Variants in GPR158 observed in about 807,000 individuals in gnomAD.
GPR158 encodes the protein metabotropic glycine receptor.
Under a neutral mutation model 78.2 loss-of-function variants are expected in GPR158, and 30 were observed. The observed-to-expected ratio is 0.38, with a 90% CI of 0.29 to 0.52. GPR158 has a LOEUF of 0.52. Among genes scored for constraint, GPR158 ranks in the 20% least tolerant of loss-of-function variants. The pLI is 0.83. For missense variants in GPR158, 1,463 were observed against 1,523.5 expected (o/e 0.96, Z 0.66); for synonymous variants, 581 against 591.1 (o/e 0.98, Z 0.25).
intron 5 of GPR158, among the ~76,000 whole-genome samples, chr10:25,526,714 C>G (rs1291199511): frequency 6.6e-6 from 1 of 152,222 alleles, no homozygotes; most frequent in Non-Finnish European, 1.5e-5. Flanking sequence ...ATGTTTGCAG[C>G]CCACTGGATG....
intron 5 of GPR158, among the ~76,000 whole-genome samples, chr10:25,493,318 G>A (rs1444613044): frequency 2.6e-5 from 4 of 152,010 alleles, no homozygotes; most frequent in South Asian, 2.1e-4. Flanking sequence ...TCTCCCTTTC[G>A]CATAACCCAG....
chr10:25,541,868 G>C (rs893321389), intron 5 of GPR158, among the ~76,000 whole-genome samples: 6 of 149,676 alleles, frequency 4.0e-5, no homozygotes, highest in Non-Finnish European at 7.4e-5. Flanking sequence ...CAAACCTGGG[G>C]ATGAGCAACT....
chr10:25,579,447 A>G (rs1337354609), intron 7 of GPR158, among the ~76,000 whole-genome samples: 1 of 152,148 alleles, frequency 6.6e-6, no homozygotes, highest in Non-Finnish European at 1.5e-5. Context: ...AATTTAAAAT[A>G]CATTTATTTT....
At chr10:25,287,614 T>C (rs1854371191) in intron 2 of GPR158, among the ~76,000 whole-genome samples, 1 of 152,140 alleles carries the variant, frequency 6.6e-6, no homozygotes. Flanking sequence ...GTTTAACCTT[T>C]ACCAATTTAC....
intron 2 of GPR158, among the ~76,000 whole-genome samples, chr10:25,334,464 A>C (rs1026052495): frequency 6.6e-6 from 1 of 152,058 alleles, no homozygotes; most frequent in African/African-American, 2.4e-5. Flanking sequence ...TTCAATGCAT[A>C]TGACAACAGA....
At chr10:25,225,146 C>T (rs1220910968) in intron 2 of GPR158, among the ~76,000 whole-genome samples, 1 of 149,280 alleles carries the variant, frequency 6.7e-6, no homozygotes, top group African/African-American at 2.5e-5. Context: ...CAACCACTTG[C>T]CATCCCAGAA....
chr10:25,553,829 A>G (rs985958034), intron 6 of GPR158, among the ~76,000 whole-genome samples: 1 of 152,316 alleles, frequency 6.6e-6, no homozygotes, highest in Middle Eastern at 3.4e-3. Flanking sequence ...TTCTGCCATT[A>G]CTTATTTATA....
At chr10:25,348,396 G>GACAC (rs34088676) in intron 2 of GPR158, among the ~76,000 whole-genome samples, 10,550 of 141,626 alleles carry the variant, frequency 0.074, 426 homozygotes, top group African/African-American at 0.11. Flanking sequence ...TAGGAAGAAA[G>GACAC]ACACACACAC....
intron 2 of GPR158, among the ~76,000 whole-genome samples, chr10:25,277,805 G>A (rs1854206033): frequency 2.0e-5 from 3 of 152,132 alleles, no homozygotes; most frequent in South Asian, 4.2e-4. Flanking sequence ...AAACCTCTCC[G>A]ACACCTTGGT....
chr10:25,223,356 C>G (rs547914967), intron 2 of GPR158, among the ~76,000 whole-genome samples: 2 of 152,110 alleles, frequency 1.3e-5, no homozygotes, highest in African/African-American at 2.4e-5. Flanking sequence ...ATCTTTGTGT[C>G]GTGGGCTATG....
intron 4 of GPR158, among the ~76,000 whole-genome samples, chr10:25,461,750 T>TG (rs397766645): frequency 6.6e-6 from 1 of 150,936 alleles, no homozygotes; most frequent in Non-Finnish European, 1.5e-5. Flanking sequence ...TTTTTTTTTT[T>TG]GAGATGGAGT....
At chr10:25,558,671 G>A (rs1836819978) in intron 6 of GPR158, among the ~76,000 whole-genome samples, 1 of 152,208 alleles carries the variant, frequency 6.6e-6, no homozygotes, top group Non-Finnish European at 1.5e-5. Context: ...ATTTGTACAT[G>A]CTCAGTCCAA....
chr10:25,401,895 A>C (rs1834451555), intron 3 of GPR158, among the ~76,000 whole-genome samples: 1 of 152,180 alleles, frequency 6.6e-6, no homozygotes, highest in East Asian at 1.9e-4. Flanking sequence ...TAATGTTTTA[A>C]AAATAAAATA....
intron 2 of GPR158, among the ~76,000 whole-genome samples, chr10:25,269,702 G>A (rs760305445): frequency 1.3e-5 from 2 of 152,164 alleles, no homozygotes; most frequent in Non-Finnish European, 2.9e-5. Flanking sequence ...CTGCAACCAT[G>A]TAATGAAATT....
chr10:25,434,180 C>A (rs904905582), intron 4 of GPR158, among the ~76,000 whole-genome samples: 21 of 151,704 alleles, frequency 1.4e-4, no homozygotes, highest in African/African-American at 5.1e-4. Context: ...AACAAACAAA[C>A]AAAAAGAAAT....
chr10:25,221,117 G>T lies in GPR158; in HGVS notation c.968G>T (p.Trp323Leu), dbSNP rs1467367881. Reference sequence around the variant, plus strand: ...ATTGACCAATGCTCAAGTGATGGCTGGTTTTCAGGAACTCATAAATGCCAC... The same window carrying T: ...ATTGACCAATGCTCAAGTGATGGCTTGTTTTCAGGAACTCATAAATGCCAC... ...VDIDQCSSDG[W>L]FSGTHKCHLN... The change falls in exon 2 of 11, where the codon TGG (tryptophan) becomes TTG (leucine). Residue 323 changes from tryptophan to leucine, a missense_variant. Trp to Leu is a moderately conservative substitution (Grantham distance 61, BLOSUM62 -2). Transcript: ENST00000376351. 6.2e-7 allele frequency: 1 copy of T among 1,602,162 alleles called. No homozygotes were observed. Among genetic ancestry groups the T allele is most frequent in the East Asian group, 2.2e-5 (1 of 44,758 alleles).
chr10:25,523,171 T>A (rs1480309192), intron 5 of GPR158, among the ~76,000 whole-genome samples: 1 of 152,156 alleles, frequency 6.6e-6, no homozygotes. Context: ...AAGGGTCAGA[T>A]GGGTCAACAC....
intron 5 of GPR158, among the ~76,000 whole-genome samples, chr10:25,509,079 G>T (rs1405285624): frequency 1.3e-5 from 2 of 152,156 alleles, no homozygotes; most frequent in Non-Finnish European, 2.9e-5. Flanking sequence ...TGGTGGAGGG[G>T]GTAGGCTGTC....
chr10:25,383,337 C>T (rs1256401769), intron 2 of GPR158, among the ~76,000 whole-genome samples: 1 of 152,106 alleles, frequency 6.6e-6, no homozygotes, highest in Non-Finnish European at 1.5e-5. Context: ...ATCAATACAG[C>T]AGGAAACTTG....
Sources: gnomAD v4.1 joint callset for allele counts (sites outside exome capture counted in the v4.1 genomes callset) on GRCh38, gnomAD v4.1.1 for gene constraint, MANE v1.5 for transcripts, NCBI Gene and HGNC (gene_info 2026-07-23, HGNC 2026-07-21) for gene names.